The following ADAM7 variants were observed in gnomAD, a reference collection of about 807,000 sequenced individuals.
The protein encoded by ADAM7 is disintegrin and metalloproteinase domain-containing protein 7.
In ADAM7, 97 loss-of-function variants were observed where a neutral mutation model predicts 102.9. The observed-to-expected ratio is 0.94, with a 90% CI of 0.80 to 1.12. The LOEUF (loss-of-function observed/expected upper bound fraction) is 1.12. Ranked by LOEUF, ADAM7 falls within the 50% of genes most tolerant of loss-of-function variation. ADAM7 has a pLI of 0.00. For synonymous variants in ADAM7, 334 were observed against 304.4 expected (o/e 1.10, Z -1.01); for missense variants, 991 against 908.7 (o/e 1.09, Z -1.16).
At position 24,506,298 on chromosome 8, in the gene ADAM7, AC is replaced by A. The variant is rs1820948676; in HGVS notation, c.2209-1181del. On this transcript the variant is annotated intron_variant, in intron 20 of 21. Transcript: ENST00000175238. Reference sequence around the variant, plus strand: ...CTCTCTGATCGGAGGTAGAAATGGGACACTCTGACACTCTGGCATAGAGACC... The same window carrying A: ...CTCTCTGATCGGAGGTAGAAATGGGAACTCTGACACTCTGGCATAGAGACC... 5.9e-6 allele frequency: 4 copies of A among 678,200 alleles called. No individual in the cohort carries two copies. The Admixed American group carries it at 8.3e-5, about 14-fold the overall frequency. The allele number at this position is 678,200 out of a possible 1,614,324, so 42.0% of individuals were successfully genotyped here. A position where few individuals can be genotyped will look rare whatever the true frequency, so the allele number is the denominator to read the frequency against.
intron 4 of ADAM7, among the ~76,000 whole-genome samples, chr8:24,464,687 G>A (rs1189091956): frequency 1.3e-5 from 2 of 152,160 alleles, no homozygotes; most frequent in Admixed American, 6.5e-5. Flanking sequence ...TGCAACCTCC[G>A]CCTCCCAGGT....
intron 16 of ADAM7, among the ~76,000 whole-genome samples, chr8:24,493,673 C>A (rs572159246): frequency 1.3e-5 from 2 of 152,252 alleles, no homozygotes; most frequent in East Asian, 3.9e-4. Context: ...CAAAAAATTG[C>A]TTTCTTAGTG....
In ADAM7 at chr8:24,475,987, G is replaced by C. The variant is rs536875192; in HGVS notation, c.634-446G>C. The C allele has an allele frequency of 1.4e-3, 632 of 455,948 alleles. 3 individuals are homozygous for C. The highest frequency in any genetic ancestry group is 2.0e-3 in the Non-Finnish European group (458 of 226,554). 28.2% of individuals were successfully genotyped at this position (455,948 alleles called of 1,614,324 possible). A position where few individuals can be genotyped will look rare whatever the true frequency, so the allele number is the denominator to read the frequency against. ...TTCAGCACTTCTCCAGCTCCAGTGGGTTTTTAAATTACATATTCCTTATTT... is the reference window on the plus strand; with the variant it reads ...TTCAGCACTTCTCCAGCTCCAGTGGCTTTTTAAATTACATATTCCTTATTT... On this transcript the variant is annotated intron_variant, in intron 7 of 21. Transcript: ENST00000175238.
chr8:24,492,943 C>A, intron 15 of ADAM7, 100 bp from the exon 16 acceptor site: 1 of 1,263,100 alleles, frequency 7.9e-7, no homozygotes. Context: ...TGGCAAGAAA[C>A]CTGGATCTAG....
chr8:24,464,247 G>A (rs1819349716), intron 4 of ADAM7, among the ~76,000 whole-genome samples: 1 of 152,118 alleles, frequency 6.6e-6, no homozygotes. Context: ...GGTAAAGCAG[G>A]ACACCAAAAA....
At chr8:24,507,587 CAT>C in intron 21 of ADAM7, 52 bp downstream of exon 21, 1 of 1,449,392 alleles carries the variant, frequency 6.9e-7, no homozygotes, top group Non-Finnish European at 9.7e-7. Context: ...CAAATGCTGG[CAT>C]AGTTTTGTGT....
At chr8:24,442,065 T>C (rs1818391619) in intron 1 of ADAM7, among the ~76,000 whole-genome samples, 1 of 152,032 alleles carries the variant, frequency 6.6e-6, no homozygotes, top group South Asian at 2.1e-4. Flanking sequence ...TCCCAGCTAC[T>C]TGGGAGGCTG....
intron 3 of ADAM7, among the ~76,000 whole-genome samples, chr8:24,450,880 A>G (rs966864652): frequency 4.6e-5 from 7 of 152,178 alleles, no homozygotes; most frequent in African/African-American, 1.7e-4. Context: ...ATTTTGTCAG[A>G]GGCCTTTTCT....
intron 3 of ADAM7, among the ~76,000 whole-genome samples, chr8:24,457,200 G>A (rs569076744): frequency 2.6e-4 from 40 of 152,142 alleles, no homozygotes; most frequent in African/African-American, 9.6e-4. Context: ...AAAACTTTAT[G>A]TGCTTATTTG....
At chr8:24,461,631 A>G (rs945001862) in intron 3 of ADAM7, among the ~76,000 whole-genome samples, 2 of 151,558 alleles carry the variant, frequency 1.3e-5, no homozygotes, top group African/African-American at 2.4e-5. Context: ...CCAGCACTCC[A>G]CTTAATCAGT....
At chr8:24,479,899 A>G (rs768782747) in intron 8 of ADAM7, among the ~76,000 whole-genome samples, 1 of 152,138 alleles carries the variant, frequency 6.6e-6, no homozygotes, top group Non-Finnish European at 1.5e-5. Flanking sequence ...ACAGAAAAAA[A>G]TATATGATTT....
intron 7 of ADAM7, 130 bp from the exon 8 acceptor site, chr8:24,476,303 G>A: frequency 3.2e-6 from 2 of 629,332 alleles, no homozygotes; most frequent in Admixed American, 6.1e-5. Flanking sequence ...TTAGCTGAAT[G>A]AAAGGAGTTC....
chr8:24,484,001 C>T (rs79897002), intron 9 of ADAM7, among the ~76,000 whole-genome samples: 17,487 of 151,996 alleles, frequency 0.12, 1,363 homozygotes, highest in East Asian at 0.33. Flanking sequence ...GGGTACCTGC[C>T]CTTCTGTATT....
intron 3 of ADAM7, among the ~76,000 whole-genome samples, chr8:24,448,829 T>A (rs548106215): frequency 1.8e-4 from 28 of 151,942 alleles, no homozygotes; most frequent in Non-Finnish European, 3.4e-4. Flanking sequence ...CAGTCCCCAG[T>A]GTGTGATGTT....
chr8:24,464,703 C>A (rs13276906), intron 4 of ADAM7, among the ~76,000 whole-genome samples: 10 of 152,150 alleles, frequency 6.6e-5, no homozygotes, highest in Non-Finnish European at 1.3e-4. Flanking sequence ...CAGGTTCAAG[C>A]GATTCTCCTG....
At chr8:24,492,456 T>C (rs764307426) in intron 14 of ADAM7, 39 bp from the exon 15 acceptor site, 1 of 1,389,100 alleles carries the variant, frequency 7.2e-7, no homozygotes, top group Non-Finnish European at 1.0e-6. Context: ...ATGATAGTCA[T>C]GCTTTATTGT....
chr8:24,480,408 G>T (rs1321419748), intron 8 of ADAM7, among the ~76,000 whole-genome samples: 3 of 151,858 alleles, frequency 2.0e-5, no homozygotes, highest in East Asian at 3.9e-4. Context: ...TATTTCACTG[G>T]GTCCTTTCTT....
In ADAM7 at chr8:24,482,178, G is replaced by A; in HGVS notation, c.742G>A (p.Gly248Ser). The A allele has an allele frequency of 6.3e-7, 1 of 1,593,950 alleles. No homozygotes were observed. The highest frequency in any genetic ancestry group is 8.5e-7 in the Non-Finnish European group (1 of 1,174,028). ...KTLNIHVTLV[G>S]IEIWTHEDKI... is the part of the protein sequence containing the mutation. ...CTTAAACATCCATGTGACGTTGGTT[G>A]GCATTGAAATATGGACACATGAAGA... Residue 248 changes from glycine to serine, a missense_variant, in exon 9 of 22, where the codon GGC becomes AGC. Coordinates refer to ENST00000175238, the MANE Select transcript of ADAM7 (RefSeq NM_003817.4).
intron 9 of ADAM7, among the ~76,000 whole-genome samples, chr8:24,483,139 C>T (rs1461328985): frequency 1.3e-5 from 2 of 152,114 alleles, no homozygotes; most frequent in Admixed American, 6.6e-5. Context: ...TAAGTAAAAG[C>T]GTGACTTTGT....
Sources: gnomAD v4.1 joint callset for allele counts (sites outside exome capture counted in the v4.1 genomes callset) on GRCh38, gnomAD v4.1.1 for gene constraint, MANE v1.5 for transcripts, NCBI Gene and HGNC (gene_info 2026-07-23, HGNC 2026-07-21) for gene names.